ZNF18: variants seen among roughly 807,000 people sequenced by gnomAD.
The protein encoded by ZNF18 is zinc finger protein 18, also known as heart development-specific gene 1 protein.
A neutral mutation model predicts 58.1 loss-of-function variants in ZNF18; 42 were observed. That is an observed-to-expected ratio of 0.72 (90% CI 0.56 to 0.93). The LOEUF (loss-of-function observed/expected upper bound fraction) is 0.93, where lower values mean the gene tolerates loss of function less well. Ranked by LOEUF, ZNF18 falls within the 40% of genes least tolerant of loss-of-function variation. The pLI is 0.00. For missense variants in ZNF18, 540 were observed against 644.2 expected, an observed-to-expected ratio of 0.84 and a Z score of 1.75; for synonymous variants, 231 against 239.8, an observed-to-expected ratio of 0.96 and a Z score of 0.34.
At chr17:11,986,740 G>C (rs555832309) in intron 4 of ZNF18, among the ~76,000 whole-genome samples, 1 of 152,292 alleles carries the variant, frequency 6.6e-6, no homozygotes, top group East Asian at 1.9e-4. Context: ...TTCAGTGCTA[G>C]CAGAGAAAAG....
chr17:11,999,400 G>A (rs1968619255), upstream of ZNF18, among the ~76,000 whole-genome samples: 1 of 152,210 alleles, frequency 6.6e-6, no homozygotes, highest in African/African-American at 2.4e-5. Flanking sequence ...CCTGGTAGAT[G>A]GTTCCTGATA....
chr17:11,998,254 G>A (rs1161816393), upstream of ZNF18: 2 of 152,086 alleles, frequency 1.3e-5, no homozygotes, highest in African/African-American at 2.4e-5. Context: ...CCTTTCCCCA[G>A]CGTCCAGTGT....
chr17:12,016,036 C>T, the ZNF18 span, among the ~76,000 whole-genome samples: 2 of 152,254 alleles, frequency 1.3e-5, no homozygotes, highest in Non-Finnish European at 2.9e-5. Flanking sequence ...AGTAATCTGT[C>T]TGCCTTGGCC....
chr17:12,010,561 G>A, the ZNF18 span, among the ~76,000 whole-genome samples: 7 of 151,824 alleles, frequency 4.6e-5, no homozygotes, highest in Non-Finnish European at 8.8e-5. Flanking sequence ...GACTACAGGC[G>A]CCCGTCACCA....
chr17:11,990,342 T>C, intron 4 of ZNF18, 120 bp downstream of exon 4: 4 of 747,454 alleles, frequency 5.4e-6, no homozygotes, highest in East Asian at 2.8e-5. Flanking sequence ...AACTAACATA[T>C]GGTGACAGAC....
In ZNF18 at chr17:11,983,963, C is replaced by G. The variant is rs903238952; in HGVS notation, c.751+150G>C. 37 of 597,922 alleles carry G rather than the reference C, an allele frequency of 6.2e-5. No individual in the cohort carries two copies. In the African/African-American group the frequency reaches 6.8e-4, roughly 11 times the overall value. The allele number at this position is 597,922 out of a possible 1,614,324, so 37.0% of individuals were successfully genotyped here. ...GTTCTTACTGTTAATTCTGCTAGCT[C>G]CAACTTGCCCCAGTTCCCAACTGTG... On this transcript the variant is annotated intron_variant, in intron 5 of 6. Coordinates refer to ENST00000580306, the MANE Select transcript of ZNF18 (RefSeq NM_001303281.2).
the ZNF18 span, among the ~76,000 whole-genome samples, chr17:12,013,671 T>C: frequency 1.3e-5 from 2 of 152,256 alleles, no homozygotes; most frequent in African/African-American, 4.8e-5. Context: ...CTCCTGCTCA[T>C]TAACATTTTT....
At chr17:12,021,244 C>T in the ZNF18 span, 1 of 289,006 alleles carries the variant, frequency 3.5e-6, no homozygotes, top group Non-Finnish European at 6.4e-6. Flanking sequence ...CTGGGCCCTA[C>T]CGGGCTCTCA....
the ZNF18 span, chr17:12,011,064 TG>T: frequency 1.4e-6 from 1 of 734,472 alleles, no homozygotes. Flanking sequence ...GTGACACCTG[TG>T]GGGCATTCCT....
chr17:11,989,438 C>T (rs114092326), intron 4 of ZNF18, among the ~76,000 whole-genome samples: 1,745 of 152,196 alleles, frequency 0.011, 31 homozygotes, highest in African/African-American at 0.039. Context: ...AGGTAGTAAT[C>T]AGTAGATAAG....
At chr17:11,993,866 A>G (rs995799412) in intron 1 of ZNF18, among the ~76,000 whole-genome samples, 1 of 151,432 alleles carries the variant, frequency 6.6e-6, no homozygotes, top group African/African-American at 2.4e-5. Flanking sequence ...TGAGAAGACT[A>G]ACTACCTTGA....
chr17:12,002,606 T>C, the ZNF18 span, among the ~76,000 whole-genome samples: 1 of 152,130 alleles, frequency 6.6e-6, no homozygotes, highest in Admixed American at 6.5e-5. Flanking sequence ...TTTTTCTGAC[T>C]GCAGATCCCA....
intron 4 of ZNF18, among the ~76,000 whole-genome samples, chr17:11,988,407 G>A (rs966698196): frequency 1.3e-5 from 2 of 152,204 alleles, no homozygotes; most frequent in Middle Eastern, 3.2e-3. Flanking sequence ...AGCAGAAGGA[G>A]CTCAGAGTCT....
At chr17:12,021,027 C>T in the ZNF18 span, 1 of 1,181,316 alleles carries the variant, frequency 8.5e-7, no homozygotes, top group Non-Finnish European at 1.1e-6. Flanking sequence ...GCGCCGAGAT[C>T]CCAGCCCCCT....
chr17:12,015,874 T>C, the ZNF18 span, among the ~76,000 whole-genome samples: 133,754 of 152,050 alleles, frequency 0.88, 61,358 homozygotes, highest in East Asian at 1. Context: ...CTGCAACCCC[T>C]GGCTCCCGGG....
the ZNF18 span, chr17:12,010,929 C>T: frequency 1.2e-4 from 68 of 590,720 alleles, no homozygotes; most frequent in Non-Finnish European, 1.5e-4. Flanking sequence ...TGGCTCTTCA[C>T]GTGCTTAACA....
At chr17:12,020,672 T>C in the ZNF18 span, among the ~76,000 whole-genome samples, 346 of 152,238 alleles carry the variant, frequency 2.3e-3, 1 homozygote, top group African/African-American at 7.9e-3. Flanking sequence ...AGCTGTCTGC[T>C]TCACAGGTCG....
At chr17:12,017,233 C>A in the ZNF18 span, among the ~76,000 whole-genome samples, 1 of 152,140 alleles carries the variant, frequency 6.6e-6, no homozygotes, top group South Asian at 2.1e-4. Context: ...TTTATCTGAA[C>A]CAGATGAAAC....
At chr17:12,017,312 G>A in the ZNF18 span, among the ~76,000 whole-genome samples, 1 of 152,126 alleles carries the variant, frequency 6.6e-6, no homozygotes, top group Non-Finnish European at 1.5e-5. Context: ...TAAATTCAGT[G>A]CTCGAATGAC....
Sources: gnomAD v4.1 joint callset for allele counts (sites outside exome capture counted in the v4.1 genomes callset) on GRCh38, gnomAD v4.1.1 for gene constraint, MANE v1.5 for transcripts, NCBI Gene and HGNC (gene_info 2026-07-23, HGNC 2026-07-21) for gene names.